Variants in SYTL5 observed in about 807,000 individuals in gnomAD.
The protein encoded by SYTL5 is synaptotagmin like 5.
Under a neutral mutation model 55.9 loss-of-function variants are expected in SYTL5, and 34 were observed. The ratio of observed to expected loss-of-function variants is 0.61; its 90% CI spans 0.46 to 0.81. The LOEUF (loss-of-function observed/expected upper bound fraction) is 0.81. SYTL5 is among the 30% of genes least tolerant of loss of function. The pLI, the probability that SYTL5 is intolerant of heterozygous loss-of-function variation, is 0.00. For missense variants in SYTL5, 637 were observed against 546.7 expected, an observed-to-expected ratio of 1.17 and a Z score of -1.65; for synonymous variants, 221 against 188.7, an observed-to-expected ratio of 1.17 and a Z score of -1.40.
intron 6 of SYTL5, among the ~76,000 whole-genome samples, chrX:38,078,273 T>G (rs1054187567): frequency 9.1e-6 from 1 of 109,511 alleles, no homozygotes. Flanking sequence ...TTTGTTTTTT[T>G]TTTTTGAGAT....
chrX:37,942,327 C>T, the SYTL5 span, among the ~76,000 whole-genome samples: 1 of 111,969 alleles, frequency 8.9e-6, no homozygotes, highest in Non-Finnish European at 1.9e-5. Context: ...TCAAGTATTA[C>T]GTGCTGCTTC....
the SYTL5 span, among the ~76,000 whole-genome samples, chrX:37,947,532 C>T: frequency 9.8e-5 from 11 of 112,015 alleles, no homozygotes. Context: ...CCATGCGGAA[C>T]TGTGAGTCAT....
chrX:38,102,215 T>A, intron 9 of SYTL5, 127 bp from the exon 10 acceptor site: 1 of 458,602 alleles, frequency 2.2e-6, no homozygotes. Flanking sequence ...AACCTAGGAA[T>A]GGAGTGATTT....
intron 2 of SYTL5, among the ~76,000 whole-genome samples, chrX:38,047,773 C>A (rs1569167358): frequency 8.9e-6 from 1 of 111,944 alleles, no homozygotes; most frequent in African/African-American, 3.2e-5. Flanking sequence ...CCCAAGTCAC[C>A]TCTTGAATGC....
the SYTL5 span, among the ~76,000 whole-genome samples, chrX:37,960,948 A>G: frequency 9.1e-6 from 1 of 109,303 alleles, no homozygotes; most frequent in Non-Finnish European, 1.9e-5. Context: ...GGCGCCTGCC[A>G]CCACGCCCAG....
chrX:38,001,670 A>G (rs1229454383), upstream of SYTL5, among the ~76,000 whole-genome samples: 2 of 111,384 alleles, frequency 1.8e-5, no homozygotes, highest in African/African-American at 6.5e-5. Context: ...CATTGTGTAT[A>G]TGTACCACAT....
At chrX:37,927,719 T>G in the SYTL5 span, among the ~76,000 whole-genome samples, 1 of 111,239 alleles carries the variant, frequency 9.0e-6, no homozygotes. Context: ...GAGGTTGCAG[T>G]GAGCCAAGAT....
chrX:38,073,621 C>A lies in SYTL5; in HGVS notation c.477C>A (p.Thr159=). 5 of 1,196,473 alleles carry A rather than the reference C, an allele frequency of 4.2e-6. No individual in the cohort carries two copies. Among genetic ancestry groups the A allele is most frequent in the Non-Finnish European group, 5.6e-6 (5 of 887,932 alleles). ...GAEEVQSQEQ[T]RQDAEKSDTS... ...AAGAAGTACAGAGCCAAGAGCAAAC[C>A]CGCCAGGATGCAGAAAAGTCAGACA... is the stretch of plus-strand genomic sequence containing the variant. The change falls in exon 5 of 17, where the codon ACC becomes ACA. Residue 159 remains threonine (T), a synonymous_variant. Transcript: ENST00000297875.
intron 7 of SYTL5, among the ~76,000 whole-genome samples, chrX:38,093,584 C>T (rs5918472): frequency 0.31 from 33,790 of 109,978 alleles, 4,417 homozygotes; most frequent in African/African-American, 0.47. Context: ...TGGGCGAAGT[C>T]GGGACAGAAT....
chrX:37,966,436 C>CTT, the SYTL5 span, among the ~76,000 whole-genome samples: 493 of 78,061 alleles, frequency 6.3e-3, 7 homozygotes, highest in East Asian at 0.02. Flanking sequence ...TTTTCTTTTT[C>CTT]TTTTTTTTTT....
chrX:37,942,484 C>T, the SYTL5 span, among the ~76,000 whole-genome samples: 1 of 111,426 alleles, frequency 9.0e-6, no homozygotes, highest in Non-Finnish European at 1.9e-5. Context: ...TGGCACTTAT[C>T]CTTGCCCTCC....
intron 10 of SYTL5, among the ~76,000 whole-genome samples, chrX:38,106,113 G>A (rs1281483780): frequency 9.0e-6 from 1 of 111,681 alleles, no homozygotes; most frequent in Non-Finnish European, 1.9e-5. Flanking sequence ...CTGATGGGAT[G>A]CTCCATGTAG....
At chrX:38,014,002 C>T (rs1934268692) in intron 1 of SYTL5, among the ~76,000 whole-genome samples, 1 of 111,522 alleles carries the variant, frequency 9.0e-6, no homozygotes, top group South Asian at 3.8e-4. Flanking sequence ...CTACCCTCTC[C>T]ACACTCTGAC....
chrX:38,128,813 G>A lies in SYTL5; in HGVS notation c.*2083G>A, dbSNP rs1420822652. 1 of 111,894 alleles carries A rather than the reference G, an allele frequency of 8.9e-6. No individual in the cohort carries two copies. The highest frequency in any genetic ancestry group is 1.9e-5 in the Non-Finnish European group (1 of 53,168). 9.2% of individuals were successfully genotyped at this position (111,894 alleles called of 1,213,427 possible). ...AAAATAAAATGTCTTCAGACTTGAT[G>A]TGACTCATTCTGTCTTCAGTTACAT... On this transcript the variant is annotated 3_prime_UTR_variant, in exon 17 of 17. Transcript: ENST00000297875.
the SYTL5 span, among the ~76,000 whole-genome samples, chrX:37,964,490 C>G: frequency 9.0e-6 from 1 of 111,211 alleles, no homozygotes; most frequent in Non-Finnish European, 1.9e-5. Context: ...TTGAATTCTG[C>G]TTGATAATAT....
chrX:37,948,078 G>T, the SYTL5 span, among the ~76,000 whole-genome samples: 3 of 110,867 alleles, frequency 2.7e-5, no homozygotes, highest in African/African-American at 9.8e-5. Flanking sequence ...TTCTTAAGTG[G>T]GCAAATTCTA....
the SYTL5 span, among the ~76,000 whole-genome samples, chrX:37,897,251 G>A: frequency 5.6e-5 from 6 of 108,005 alleles, no homozygotes; most frequent in African/African-American, 1.0e-4. Context: ...TTGTGAGGCC[G>A]AGGTGGGCAG....
upstream of SYTL5, among the ~76,000 whole-genome samples, chrX:38,005,314 A>G (rs1184412495): frequency 8.9e-6 from 1 of 111,943 alleles, no homozygotes; most frequent in Non-Finnish European, 1.9e-5. Flanking sequence ...TATGCAATAA[A>G]AAAATTCAAC....
chrX:38,043,657 GTA>G (rs1387169792), intron 2 of SYTL5, among the ~76,000 whole-genome samples: 5 of 39,387 alleles, frequency 1.3e-4, no homozygotes, highest in Non-Finnish European at 8.0e-5. Flanking sequence ...ATGTATGTAT[GTA>G]TGTATATATA....
Sources: gnomAD v4.1 joint callset for allele counts (sites outside exome capture counted in the v4.1 genomes callset) on GRCh38, gnomAD v4.1.1 for gene constraint, MANE v1.5 for transcripts, NCBI Gene and HGNC (gene_info 2026-07-23, HGNC 2026-07-21) for gene names.